XPNPEP1: variants seen among roughly 807,000 people sequenced by gnomAD.
The protein encoded by XPNPEP1 is X-prolyl aminopeptidase 1.
A neutral mutation model predicts 92.4 loss-of-function variants in XPNPEP1; 39 were observed. That is an observed-to-expected ratio of 0.42 (90% CI 0.33 to 0.55). The LOEUF is 0.55. Ranked by LOEUF, XPNPEP1 falls within the 20% of genes least tolerant of loss-of-function variation. The probability of loss-of-function intolerance (pLI) is 0.08; values close to 1 mark genes in which losing one functional copy is unlikely to be tolerated. For synonymous variants in XPNPEP1, 307 were observed against 299.4 expected (o/e 1.03, Z -0.26); for missense variants, 654 against 856.1 (o/e 0.76, Z 2.95).
chr10:109,866,682 C>T (rs1388833441), intron 20 of XPNPEP1, among the ~76,000 whole-genome samples: 1 of 152,192 alleles, frequency 6.6e-6, no homozygotes, highest in Non-Finnish European at 1.5e-5. Context: ...TTGCTGCCAT[C>T]TGGTGATAAG....
intron 9 of XPNPEP1, 110 bp downstream of exon 9, chr10:109,883,957 A>G (rs1335179840): frequency 2.2e-6 from 2 of 901,528 alleles, no homozygotes; most frequent in Non-Finnish European, 3.3e-6. Flanking sequence ...AGAAAAAAGA[A>G]GCACATCAGT....
At chr10:109,896,317 T>C (rs952488614) in intron 3 of XPNPEP1, among the ~76,000 whole-genome samples, 2 of 151,604 alleles carry the variant, frequency 1.3e-5, no homozygotes, top group Non-Finnish European at 2.9e-5. Context: ...CGCCTTCTGT[T>C]ACCCTAGCTA....
intron 2 of XPNPEP1, among the ~76,000 whole-genome samples, chr10:109,912,427 G>A (rs915823693): frequency 2.6e-5 from 4 of 152,252 alleles, no homozygotes; most frequent in African/African-American, 7.2e-5. Flanking sequence ...AGCTACCACT[G>A]AAGTGAATAC....
At chr10:109,882,725 G>T in intron 9 of XPNPEP1, 83 bp from the exon 10 acceptor site, 2 of 1,452,736 alleles carry the variant, frequency 1.4e-6, no homozygotes, top group Non-Finnish European at 1.9e-6. Context: ...TACACATCAG[G>T]CTCTGTTTCC....
chr10:109,884,249 C>G, intron 8 of XPNPEP1, 101 bp from the exon 9 acceptor site: 1 of 1,133,796 alleles, frequency 8.8e-7, no homozygotes, highest in African/African-American at 1.6e-5. Context: ...CCAGCTGCTG[C>G]GCAAGGATTC....
intron 3 of XPNPEP1, among the ~76,000 whole-genome samples, chr10:109,896,922 C>A (rs1041300429): frequency 1.1e-4 from 16 of 152,188 alleles, no homozygotes; most frequent in Admixed American, 8.5e-4. Context: ...AGACTTCAGA[C>A]TTCCAGAACC....
At chr10:109,901,742 GT>G (rs1420080980) in intron 3 of XPNPEP1, among the ~76,000 whole-genome samples, 3 of 152,208 alleles carry the variant, frequency 2.0e-5, no homozygotes, top group Non-Finnish European at 4.4e-5. Flanking sequence ...TTCTAAGTAT[GT>G]TTAGAACAAC....
chr10:109,873,609 C>T (rs1360748343), intron 15 of XPNPEP1, 182 bp from the exon 16 acceptor site: 1 of 585,310 alleles, frequency 1.7e-6, no homozygotes, highest in South Asian at 2.4e-5. Flanking sequence ...ACCATATGAC[C>T]CAGTAATTCC....
intron 1 of XPNPEP1, 38 bp from the exon 2 acceptor site, chr10:109,915,137 C>G: frequency 7.3e-7 from 1 of 1,366,558 alleles, no homozygotes; most frequent in South Asian, 1.4e-5. Flanking sequence ...CAGACTTTGA[C>G]CACAATAAAC....
intron 2 of XPNPEP1, among the ~76,000 whole-genome samples, chr10:109,914,616 G>C (rs1850073200): frequency 6.6e-6 from 1 of 152,096 alleles, no homozygotes; most frequent in African/African-American, 2.4e-5. Flanking sequence ...GGCCAACATG[G>C]AGAAACCCCA....
chr10:109,901,543 ACT>A (rs754169607), intron 3 of XPNPEP1, among the ~76,000 whole-genome samples: 7 of 152,146 alleles, frequency 4.6e-5, no homozygotes, highest in Admixed American at 1.3e-4. Flanking sequence ...AGCTTAAAAT[ACT>A]CTGTCACCTT....
chr10:109,915,048 G>A lies in XPNPEP1; in HGVS notation c.84C>T (p.Asn28=), dbSNP rs713545. The change falls in exon 2 of 21, where the codon AAC becomes AAT. Residue 28 remains asparagine, a synonymous_variant. Transcript: ENST00000502935. The part of the protein sequence containing the change: ...QLRNLRIIEP[N]EVTHSGDTGV... ...CTGTGTCTCCTGAGTGTGTCACCTC[G>A]TTAGGTTCAATTATTCTTAAATTTC... The A allele has an allele frequency of 2.2e-5, 33 of 1,530,236 alleles. No homozygotes were observed. In the Admixed American group the frequency reaches 3.0e-4, roughly 14 times the overall value. 94.8% of individuals were successfully genotyped at this position (1,530,236 alleles called of 1,614,324 possible).
At chr10:109,877,675 C>T (rs1339583612) in intron 14 of XPNPEP1, 115 bp downstream of exon 14, 6 of 1,266,258 alleles carry the variant, frequency 4.7e-6, no homozygotes, top group African/African-American at 3.0e-5. Context: ...TTTACAGTCT[C>T]AACAGACAGA....
intron 3 of XPNPEP1, among the ~76,000 whole-genome samples, chr10:109,899,311 T>A (rs796929252): frequency 1.3e-5 from 2 of 152,262 alleles, no homozygotes; most frequent in African/African-American, 4.8e-5. Context: ...TGAGAGGTGA[T>A]ACCTGGGTCG....
At chr10:109,915,938 A>C (rs755481270) in intron 1 of XPNPEP1, among the ~76,000 whole-genome samples, 4 of 152,184 alleles carry the variant, frequency 2.6e-5, no homozygotes, top group Admixed American at 2.0e-4. Flanking sequence ...TTATTGAAAA[A>C]TCTTCCATAA....
At chr10:109,887,932 C>G in intron 7 of XPNPEP1, 117 bp downstream of exon 7, 1 of 1,442,188 alleles carries the variant, frequency 6.9e-7, no homozygotes, top group Non-Finnish European at 9.2e-7. Context: ...CAGAGTAGGG[C>G]AAAATCCTCC....
At chr10:109,894,561 A>T (rs888791930) in intron 3 of XPNPEP1, among the ~76,000 whole-genome samples, 2 of 151,850 alleles carry the variant, frequency 1.3e-5, no homozygotes, top group African/African-American at 4.8e-5. Context: ...TTAAAAAAAA[A>T]AAAAAAAAGG....
At chr10:109,913,808 C>G (rs1026853913) in intron 2 of XPNPEP1, among the ~76,000 whole-genome samples, 3 of 152,204 alleles carry the variant, frequency 2.0e-5, no homozygotes, top group Non-Finnish European at 4.4e-5. Context: ...GCAACTGAAG[C>G]TACCTAACCT....
At chr10:109,901,758 G>A (rs1371790475) in intron 3 of XPNPEP1, among the ~76,000 whole-genome samples, 1 of 152,176 alleles carries the variant, frequency 6.6e-6, no homozygotes, top group African/African-American at 2.4e-5. Context: ...AACAACTTGG[G>A]TACGTGAGTC....
Sources: gnomAD v4.1 joint callset for allele counts (sites outside exome capture counted in the v4.1 genomes callset) on GRCh38, gnomAD v4.1.1 for gene constraint, MANE v1.5 for transcripts, NCBI Gene and HGNC (gene_info 2026-07-23, HGNC 2026-07-21) for gene names.